The following NOTCH1 variants were observed in gnomAD, a reference collection of about 807,000 sequenced individuals.
NOTCH1 encodes the protein notch receptor 1.
Under a neutral mutation model 254.8 loss-of-function variants are expected in NOTCH1, and 37 were observed. The observed-to-expected ratio is 0.15, with a 90% CI of 0.11 to 0.19. The LOEUF is 0.19. NOTCH1 is among the 10% of genes least tolerant of loss of function. The pLI is 1.00. For missense variants in NOTCH1, 2,972 were observed against 3,708.6 expected (o/e 0.80, Z 5.16); for synonymous variants, 1,731 against 1,618.1 (o/e 1.07, Z -1.68).
At chr9:136,522,520 C>T in intron 4 of NOTCH1, 1 of 352,300 alleles carries the variant, frequency 2.8e-6, no homozygotes, top group Non-Finnish European at 5.1e-6. Context: ...GGCCCCAGCC[C>T]CACTGCAGGG....
chr9:136,506,620 G>C lies in NOTCH1; in HGVS notation c.3921C>G (p.Val1307=), dbSNP rs777490991. 1 of 1,610,344 alleles carries C rather than the reference G, an allele frequency of 6.2e-7. No individual in the cohort carries two copies. ...AGHTGRRCES[V]INGCKGKPCK... ...AGGGCTTGCCTTTGCAGCCATTGAT[G>C]ACGGACTCGCAGCGGCGCCCTAGGG... The change falls in exon 24 of 34, where the codon GTC becomes GTG. Residue 1307 remains valine (V), a synonymous_variant. Coordinates refer to ENST00000651671, the MANE Select transcript of NOTCH1 (RefSeq NM_017617.5). This position sits in a 1 kb window ranked among gnomAD's most constrained non-coding sequence, Gnocchi z 4.5.
chr9:136,543,439 T>TGGCATCACCTGTGCCCAGAGGAGGC (rs1418227570), intron 2 of NOTCH1: 7 of 198,272 alleles, frequency 3.5e-5, no homozygotes, highest in Non-Finnish European at 5.8e-5. Flanking sequence ...GCCCAGGAGG[T>TGGCATCACCTGTGCCCAGAGGAGGC]GGCATCACCT....
intron 27 of NOTCH1, 96 bp downstream of exon 27, chr9:136,503,086 G>A: frequency 1.3e-6 from 2 of 1,552,812 alleles, no homozygotes; most frequent in Non-Finnish European, 1.8e-6. Context: ...TCACACCCGT[G>A]GGTAGCAACT....
chr9:136,528,692 C>G (rs1426783500), intron 2 of NOTCH1, among the ~76,000 whole-genome samples: 2 of 151,872 alleles, frequency 1.3e-5, no homozygotes, highest in African/African-American at 2.4e-5. Context: ...AGCATCTTAA[C>G]ACATCCCACC....
At chr9:136,542,852 A>T (rs920714160) in intron 2 of NOTCH1, 1 of 151,866 alleles carries the variant, frequency 6.6e-6, no homozygotes, top group Non-Finnish European at 1.5e-5. Flanking sequence ...GACACCAAAC[A>T]CCTCCTCATT....
rs2229968 is a variant in NOTCH1, at chr9:136,504,680, C to T, written c.5011G>A (p.Val1671Ile). Reference sequence around the variant, plus strand: ...GCGCCGGGTCTCACTCACCCGCGGACGTCCATGGGGTCCAGCTCCCTCCGC... The same window carrying T: ...GCGCCGGGTCTCACTCACCCGCGGATGTCCATGGGGTCCAGCTCCCTCCGC... The part of the protein sequence containing the change: ...RRRRELDPMD[V>I]RGSIVYLEID... Residue 1671 changes from valine (V) to isoleucine (I), a missense_variant, in exon 26 of 34, where the codon GTC becomes ATC. Val to Ile is a conservative substitution (Grantham distance 29). Coordinates refer to ENST00000651671, the MANE Select transcript of NOTCH1 (RefSeq NM_017617.5). The T allele has an allele frequency of 1.8e-3, 2,716 of 1,516,392 alleles. 20 individuals carry two copies. The African/African-American group carries it at 0.028, about 16-fold the overall frequency. The allele number at this position is 1,516,392 out of a possible 1,614,324, so 93.9% of individuals were successfully genotyped here.
intron 2 of NOTCH1, among the ~76,000 whole-genome samples, chr9:136,539,010 C>G (rs1413083204): frequency 5.3e-5 from 8 of 152,196 alleles, no homozygotes; most frequent in Admixed American, 3.9e-4. Context: ...CCGCTGCTGC[C>G]CATCACAGGT....
chr9:136,536,291 T>C (rs955567979), intron 2 of NOTCH1, among the ~76,000 whole-genome samples: 3 of 152,092 alleles, frequency 2.0e-5, no homozygotes, highest in Non-Finnish European at 2.9e-5. Context: ...GACATGGCGC[T>C]TCCCCGTCCC....
chr9:136,542,544 CAAA>C (rs1174860714), intron 2 of NOTCH1, among the ~76,000 whole-genome samples: 13 of 52,506 alleles, frequency 2.5e-4, no homozygotes, highest in Middle Eastern at 0.01. Context: ...CCCCAAAAAG[CAAA>C]AAAAAAAAAA....
At chr9:136,517,669 C>G in intron 8 of NOTCH1, 83 bp downstream of exon 8, 2 of 1,543,560 alleles carry the variant, frequency 1.3e-6, no homozygotes, top group East Asian at 2.3e-5. Flanking sequence ...AAAGCGGAAG[C>G]AACCCACAGA....
rs1414236570 is a variant in NOTCH1, at chr9:136,513,560, G to A, written c.2208-23C>T. On this transcript the variant is annotated intron_variant, in intron 13 of 33. Transcript: ENST00000651671. This position sits in a 1 kb window ranked among gnomAD's most constrained non-coding sequence, Gnocchi z 4.7. ...TACCTGCAAGGGGGACCACACTGCA[G>A]GTCGAGGGAGGCCCGAGCAGCACGG... 1 of 1,612,540 alleles carries A rather than the reference G, an allele frequency of 6.2e-7. No homozygotes were observed. Among genetic ancestry groups the A allele is most frequent in the Non-Finnish European group, 8.5e-7 (1 of 1,179,886 alleles).
At chr9:136,530,453 C>G (rs1421298216) in intron 2 of NOTCH1, among the ~76,000 whole-genome samples, 1 of 152,222 alleles carries the variant, frequency 6.6e-6, no homozygotes, top group Non-Finnish European at 1.5e-5. Flanking sequence ...CTGTCTGCAT[C>G]TGACCGACAG....
Position 136,501,503 on chromosome 9 carries a change from A to G in NOTCH1, c.5638+245T>C, listed in dbSNP as rs144405345. Among the ~76,000 whole-genome samples the G allele has an allele frequency of 3.2e-3, 488 of 152,190 alleles. 2 individuals are homozygous for G. Among genetic ancestry groups the G allele is most frequent in the African/African-American group, 0.011 (439 of 41,526 alleles). Reference sequence around the variant, plus strand: ...GCTTTCCATGTCTCAAGAAGGTTTCAGAAAAGAGTAATTTACAGGGACAGA... The same window carrying G: ...GCTTTCCATGTCTCAAGAAGGTTTCGGAAAAGAGTAATTTACAGGGACAGA... On this transcript the variant is annotated intron_variant, in intron 30 of 33. Transcript: ENST00000651671.
At position 136,513,516 on chromosome 9, in the gene NOTCH1, A is replaced by G. The variant is rs1318435250; in HGVS notation, c.2229T>C (p.Pro743=). The change falls in exon 14 of 34, where the codon CCT becomes CCC. Residue 743 remains proline, a synonymous_variant. Coordinates refer to ENST00000651671, the MANE Select transcript of NOTCH1 (RefSeq NM_017617.5). The surrounding 1 kb of genome is among the most constrained non-coding windows in gnomAD (Gnocchi z 4.7). ...TGTCACAGTTGGTCCCACTCCACCC[A>G]GGGTCACAGTCGCACTTGTACCTGC... is the stretch of plus-strand genomic sequence containing the variant. ...SLNGYKCDCD[P]GWSGTNCDIN... is the part of the protein sequence containing the mutation. 1 of 1,613,076 alleles carries G rather than the reference A, an allele frequency of 6.2e-7. No homozygotes were observed. The highest frequency in any genetic ancestry group is 8.5e-7 in the Non-Finnish European group (1 of 1,179,972).
chr9:136,512,569 C>G (rs1256550922), intron 15 of NOTCH1, among the ~76,000 whole-genome samples: 1 of 152,204 alleles, frequency 6.6e-6, no homozygotes, highest in Non-Finnish European at 1.5e-5. Flanking sequence ...TCAAAGGAAT[C>G]CCTCAGGTCC....
chr9:136,516,213 T>A, intron 9 of NOTCH1, 119 bp from the exon 10 acceptor site: 1 of 740,080 alleles, frequency 1.4e-6, no homozygotes, highest in Non-Finnish European at 2.3e-6. Flanking sequence ...ACACTCAGCC[T>A]GAGCTCAGCC....
chr9:136,529,875 C>T (rs914273573), intron 2 of NOTCH1, among the ~76,000 whole-genome samples: 11 of 152,264 alleles, frequency 7.2e-5, no homozygotes, highest in East Asian at 1.9e-4. Flanking sequence ...CACAAAACCA[C>T]GAGATTGGGG....
chr9:136,537,390 A>G (rs537052174), intron 2 of NOTCH1, among the ~76,000 whole-genome samples: 9 of 152,350 alleles, frequency 5.9e-5, no homozygotes, highest in Admixed American at 3.3e-4. Context: ...AATTCCATTC[A>G]TAGGCAACGT....
intron 13 of NOTCH1, 115 bp downstream of exon 13, chr9:136,514,395 C>A: frequency 8.4e-7 from 1 of 1,184,664 alleles, no homozygotes; most frequent in East Asian, 2.6e-5. Context: ...CCACCCAGCC[C>A]CGTCCGAGGC....
Sources: gnomAD v4.1 joint callset for allele counts (sites outside exome capture counted in the v4.1 genomes callset) on GRCh38, gnomAD v4.1.1 for gene constraint, Gnocchi (gnomAD v3.1) non-coding constraint, MANE v1.5 for transcripts, NCBI Gene and HGNC (gene_info 2026-07-23, HGNC 2026-07-21) for gene names.